CADM2: variants seen among roughly 807,000 people sequenced by gnomAD.
CADM2 encodes cell adhesion molecule 2.
Under a neutral mutation model 49.8 loss-of-function variants are expected in CADM2, and 12 were observed. The observed-to-expected ratio is 0.24, with a 90% confidence interval of 0.15 to 0.39. CADM2 has a LOEUF of 0.39. Ranked by LOEUF, CADM2 falls within the 10% of genes least tolerant of loss-of-function variation. The pLI is 1.00. For synonymous variants in CADM2, 214 were observed against 175.4 expected (o/e 1.22, Z -1.74); for missense variants, 378 against 492.3 (o/e 0.77, Z 2.20).
At chr3:85,231,445 C>A (rs1047058825) in intron 1 of CADM2, among the ~76,000 whole-genome samples, 6 of 148,044 alleles carry the variant, frequency 4.1e-5, no homozygotes, top group Middle Eastern at 3.3e-3. Flanking sequence ...GAAAAAAAAA[C>A]AGAAGAGGAT....
intron 2 of CADM2, among the ~76,000 whole-genome samples, chr3:85,781,605 T>A (rs2070654787): frequency 6.6e-6 from 1 of 152,186 alleles, no homozygotes; most frequent in African/African-American, 2.4e-5. Flanking sequence ...AAAAATTAAA[T>A]CAGGAATTAT....
chr3:85,934,182 A>T (rs961288569), intron 6 of CADM2, among the ~76,000 whole-genome samples: 2 of 152,118 alleles, frequency 1.3e-5, no homozygotes, highest in Admixed American at 1.3e-4. Context: ...TCATGGGGAA[A>T]ATAAATGTTG....
chr3:85,303,534 T>A (rs968483251), intron 1 of CADM2, among the ~76,000 whole-genome samples: 3 of 151,976 alleles, frequency 2.0e-5, no homozygotes, highest in African/African-American at 7.2e-5. Flanking sequence ...TGTACCTACA[T>A]AAATTGCTTG....
At chr3:85,016,438 T>G (rs563189878) in intron 1 of CADM2, among the ~76,000 whole-genome samples, 1 of 152,322 alleles carries the variant, frequency 6.6e-6, no homozygotes, top group East Asian at 1.9e-4. Context: ...CTGTAGAATT[T>G]AGTAGACCTA....
At chr3:85,400,330 G>A (rs1409675602) in intron 1 of CADM2, among the ~76,000 whole-genome samples, 3 of 152,166 alleles carry the variant, frequency 2.0e-5, no homozygotes, top group Non-Finnish European at 4.4e-5. Flanking sequence ...GCTCTTTAAT[G>A]TGCTGCTGGA....
chr3:85,724,653 ATCT>A (rs112424326), intron 1 of CADM2, among the ~76,000 whole-genome samples: 17,247 of 151,848 alleles, frequency 0.11, 1,907 homozygotes, highest in African/African-American at 0.28. Context: ...GTATAGTAAA[ATCT>A]TCTTCTGGAA....
At chr3:85,724,587 T>A (rs1488896535) in intron 1 of CADM2, among the ~76,000 whole-genome samples, 1 of 151,982 alleles carries the variant, frequency 6.6e-6, no homozygotes, top group Non-Finnish European at 1.5e-5. Flanking sequence ...AATGAATAAG[T>A]TAGCACTCCG....
At chr3:85,292,632 A>T (rs1476185114) in intron 1 of CADM2, among the ~76,000 whole-genome samples, 1 of 147,594 alleles carries the variant, frequency 6.8e-6, no homozygotes, top group African/African-American at 2.5e-5. Context: ...AGGATTAAGA[A>T]TCTCACTCAA....
In CADM2 at chr3:85,889,085, G is replaced by A. The variant is rs1714068410; in HGVS notation, c.529+2758G>A. On this transcript the variant is annotated intron_variant, in intron 5 of 9. Coordinates refer to ENST00000383699, the MANE Select transcript of CADM2 (RefSeq NM_001167675.2). ...TATTCTATGGTGCATTAGTGAAGATGCAAATGAGAAACCAAGAAACTTGAC... is the reference window on the plus strand; with the variant it reads ...TATTCTATGGTGCATTAGTGAAGATACAAATGAGAAACCAAGAAACTTGAC... Among the ~76,000 whole-genome samples the A allele has an allele frequency of 2.0e-5, 3 of 152,292 alleles. No homozygotes were observed. The South Asian group carries it at 6.2e-4, about 32-fold the overall frequency.
chr3:85,199,700 T>C (rs2041444227), intron 1 of CADM2, among the ~76,000 whole-genome samples: 1 of 151,934 alleles, frequency 6.6e-6, no homozygotes, highest in African/African-American at 2.4e-5. Context: ...GATTTAATTG[T>C]TTGGATAAAA....
chr3:85,498,073 CAT>C (rs2039975856), intron 1 of CADM2, among the ~76,000 whole-genome samples: 1 of 151,940 alleles, frequency 6.6e-6, no homozygotes, highest in South Asian at 2.1e-4. Context: ...CCCAGCAGCA[CAT>C]GTTCCCAGCC....
intron 1 of CADM2, among the ~76,000 whole-genome samples, chr3:85,490,388 A>G (rs747281645): frequency 1.9e-4 from 27 of 143,260 alleles, no homozygotes; most frequent in Middle Eastern, 3.8e-3. Context: ...CATTTTCATG[A>G]GTCAAAAAAA....
intron 1 of CADM2, among the ~76,000 whole-genome samples, chr3:85,388,919 C>A (rs540660503): frequency 9.9e-5 from 15 of 152,152 alleles, no homozygotes; most frequent in African/African-American, 3.4e-4. Context: ...ATCTAAAAAA[C>A]AAAATATATT....
chr3:85,644,312 A>T (rs2064822180), intron 1 of CADM2, among the ~76,000 whole-genome samples: 1 of 152,102 alleles, frequency 6.6e-6, no homozygotes, highest in Non-Finnish European at 1.5e-5. Context: ...TGCCAGTCTT[A>T]CTGGATTAGG....
chr3:85,087,547 G>A (rs1470078358), intron 1 of CADM2, among the ~76,000 whole-genome samples: 3 of 151,948 alleles, frequency 2.0e-5, no homozygotes, highest in East Asian at 1.9e-4. Flanking sequence ...AGTTTATTTC[G>A]AATTTTTACT....
intron 2 of CADM2, among the ~76,000 whole-genome samples, chr3:85,791,541 AG>A (rs2071329212): frequency 2.1e-5 from 3 of 144,874 alleles, no homozygotes; most frequent in South Asian, 2.2e-4. Context: ...AGAGAGAGAG[AG>A]AAAGAGAGAG....
At chr3:85,255,189 G>A (rs549802846) in intron 1 of CADM2, among the ~76,000 whole-genome samples, 106 of 152,040 alleles carry the variant, frequency 7.0e-4, no homozygotes, top group African/African-American at 2.3e-3. Context: ...CTTTGATTCC[G>A]TACACTCCTT....
chr3:85,118,171 T>G (rs906924412), intron 1 of CADM2, among the ~76,000 whole-genome samples: 1 of 152,058 alleles, frequency 6.6e-6, no homozygotes, highest in African/African-American at 2.4e-5. Flanking sequence ...TATTAACTTA[T>G]TCATCTGTTA....
intron 1 of CADM2, among the ~76,000 whole-genome samples, chr3:85,649,080 T>C (rs2064971370): frequency 6.6e-6 from 1 of 152,080 alleles, no homozygotes; most frequent in South Asian, 2.1e-4. Context: ...TCTATGGAAA[T>C]TGAGACCATT....
Sources: allele counts gnomAD v4.1 joint callset (sites outside exome capture counted in the v4.1 genomes callset), GRCh38; gene constraint gnomAD v4.1.1; transcripts MANE v1.5; gene names NCBI Gene and HGNC (gene_info 2026-07-23, HGNC 2026-07-21).